The following SGIP1 variants were observed in gnomAD, a reference collection of about 807,000 sequenced individuals.
SGIP1 encodes the protein SH3-containing GRB2-like protein 3-interacting protein 1.
A neutral mutation model predicts 107.5 loss-of-function variants in SGIP1; 38 were observed. That is an observed-to-expected ratio of 0.35 (90% CI 0.27 to 0.46). The LOEUF (loss-of-function observed/expected upper bound fraction) is 0.46, where lower values mean the gene tolerates loss of function less well. Among genes scored for constraint, SGIP1 ranks in the 20% least tolerant of loss-of-function variants. The pLI is 1.00. For synonymous variants in SGIP1, 365 were observed against 366.1 expected (o/e 1.00, Z 0.03); for missense variants, 929 against 1,019.5 (o/e 0.91, Z 1.21).
intron 7 of SGIP1, among the ~76,000 whole-genome samples, chr1:66,646,268 C>G (rs1445917010): frequency 6.6e-6 from 1 of 152,052 alleles, no homozygotes; most frequent in Non-Finnish European, 1.5e-5. Context: ...ATGTCTCCAG[C>G]CAAAAGAGCA....
In SGIP1 at chr1:66,677,097, G is replaced by A; in HGVS notation, c.739+1G>A. 1 of 1,611,802 alleles carries A rather than the reference G, an allele frequency of 6.2e-7. No individual in the cohort carries two copies. The highest frequency in any genetic ancestry group is 8.5e-7 in the Non-Finnish European group (1 of 1,178,104). ...TTAACAAGGCCTTTTCCCACTGGAAGTAAGTTATGTGTCTGCTCTGTCTGG... is the reference window on the plus strand; with the variant it reads ...TTAACAAGGCCTTTTCCCACTGGAAATAAGTTATGTGTCTGCTCTGTCTGG... On this transcript the variant is annotated splice_donor_variant, in intron 13 of 24. Coordinates refer to ENST00000371037, the MANE Select transcript of SGIP1 (RefSeq NM_032291.4). LOFTEE classifies it high-confidence loss of function.
chr1:66,710,804 T>C (rs1222225120), intron 18 of SGIP1, among the ~76,000 whole-genome samples: 1 of 152,114 alleles, frequency 6.6e-6, no homozygotes, highest in East Asian at 1.9e-4. Context: ...CAGTTTAGAA[T>C]TTAACAGAAA....
intron 1 of SGIP1, among the ~76,000 whole-genome samples, chr1:66,579,109 TAAAATTAC>T (rs2061476285): frequency 6.6e-6 from 1 of 152,254 alleles, no homozygotes; most frequent in Admixed American, 6.5e-5. Context: ...TTGGGGTCTG[TAAAATTAC>T]ATACACATTT....
At chr1:66,570,725 C>T (rs1254679907) in intron 1 of SGIP1, among the ~76,000 whole-genome samples, 1 of 151,880 alleles carries the variant, frequency 6.6e-6, no homozygotes, top group East Asian at 1.9e-4. Flanking sequence ...TGTCATGGAG[C>T]TTAGTCTTTT....
intron 7 of SGIP1, among the ~76,000 whole-genome samples, chr1:66,656,335 C>T (rs2079771693): frequency 6.6e-6 from 1 of 152,166 alleles, no homozygotes; most frequent in South Asian, 2.1e-4. Context: ...GGCTGTTTTA[C>T]AGTTAGTTAA....
chr1:66,619,076 G>A (rs1351378140), intron 1 of SGIP1, among the ~76,000 whole-genome samples: 2 of 152,104 alleles, frequency 1.3e-5, no homozygotes, highest in Admixed American at 6.5e-5. Flanking sequence ...CTAAAGAGCG[G>A]TCATTGCCAA....
At chr1:66,591,344 G>A (rs979164023) in intron 1 of SGIP1, among the ~76,000 whole-genome samples, 4 of 152,114 alleles carry the variant, frequency 2.6e-5, no homozygotes, top group Non-Finnish European at 4.4e-5. Flanking sequence ...ACATAAGCCC[G>A]TTAGAATGAT....
chr1:66,587,354 G>C (rs942483680), intron 1 of SGIP1, among the ~76,000 whole-genome samples: 3 of 145,810 alleles, frequency 2.1e-5, no homozygotes, highest in Non-Finnish European at 3.0e-5. Flanking sequence ...TGTCCTTAAG[G>C]CTCTGTTCAT....
chr1:66,639,468 A>G (rs2076381561), intron 4 of SGIP1, among the ~76,000 whole-genome samples: 1 of 152,232 alleles, frequency 6.6e-6, no homozygotes, highest in Non-Finnish European at 1.5e-5. Flanking sequence ...GGATTCCATT[A>G]CAATAAAGGT....
chr1:66,714,430 C>T (rs942967945), intron 18 of SGIP1, among the ~76,000 whole-genome samples: 1 of 152,088 alleles, frequency 6.6e-6, no homozygotes, highest in Non-Finnish European at 1.5e-5. Context: ...TCTTACCTAA[C>T]CTCTTGTTGG....
intron 18 of SGIP1, among the ~76,000 whole-genome samples, chr1:66,708,956 C>A (rs1368624815): frequency 6.6e-6 from 1 of 151,960 alleles, no homozygotes; most frequent in Non-Finnish European, 1.5e-5. Context: ...TTTTGGGCAT[C>A]CATGCATGTT....
chr1:66,638,849 C>T (rs1558166048), intron 4 of SGIP1, among the ~76,000 whole-genome samples: 1 of 152,304 alleles, frequency 6.6e-6, no homozygotes, highest in East Asian at 1.9e-4. Context: ...CCTCATGCGT[C>T]ACCATTTGAT....
intron 1 of SGIP1, among the ~76,000 whole-genome samples, chr1:66,614,870 A>C (rs1570628974): frequency 8.5e-6 from 1 of 117,180 alleles, no homozygotes; most frequent in Non-Finnish European, 1.6e-5. Flanking sequence ...CCCAGGCTGG[A>C]GTGCAGTGGC....
chr1:66,648,203 G>A lies in SGIP1; in HGVS notation c.459+4484G>A, dbSNP rs150352036. On this transcript the variant is annotated intron_variant, in intron 7 of 24. Coordinates refer to ENST00000371037, the MANE Select transcript of SGIP1 (RefSeq NM_032291.4). The stretch of plus-strand genomic sequence containing the variant: ...AAGGGGCATGCCCTTGGGTTAGGTA[G>A]CTCTCTGCAGTTGAGGCAGATCCTG... Among the ~76,000 whole-genome samples, 70 of 152,286 alleles carry A rather than the reference G, an allele frequency of 4.6e-4. No homozygotes were observed. The East Asian group carries it at 0.013, about 28-fold the overall frequency.
At chr1:66,619,476 C>A (rs2070370754) in intron 1 of SGIP1, among the ~76,000 whole-genome samples, 1 of 152,212 alleles carries the variant, frequency 6.6e-6, no homozygotes. Flanking sequence ...TTGTACCTGC[C>A]CCACCTCTCT....
chr1:66,565,753 AAC>A (rs1200977841), intron 1 of SGIP1, among the ~76,000 whole-genome samples: 1 of 152,020 alleles, frequency 6.6e-6, no homozygotes, highest in Non-Finnish European at 1.5e-5. Flanking sequence ...ACATTTATTC[AAC>A]ACACTTTTGT....
chr1:66,726,424 G>A (rs1271868108), intron 19 of SGIP1, among the ~76,000 whole-genome samples: 2 of 152,098 alleles, frequency 1.3e-5, no homozygotes, highest in Non-Finnish European at 2.9e-5. Context: ...CTACCATAGC[G>A]AAAACAACTA....
chr1:66,664,903 C>G (rs1221890427), intron 8 of SGIP1, among the ~76,000 whole-genome samples: 1 of 152,136 alleles, frequency 6.6e-6, no homozygotes, highest in African/African-American at 2.4e-5. Flanking sequence ...TTGATAGCAG[C>G]CATAATCAAG....
chr1:66,597,042 A>T (rs1456687464), intron 1 of SGIP1, among the ~76,000 whole-genome samples: 1 of 152,208 alleles, frequency 6.6e-6, no homozygotes, highest in Non-Finnish European at 1.5e-5. Context: ...TTATAACAGA[A>T]AACTGGTTTA....
Sources: allele counts gnomAD v4.1 joint callset (sites outside exome capture counted in the v4.1 genomes callset), GRCh38; gene constraint gnomAD v4.1.1; transcripts MANE v1.5; gene names NCBI Gene and HGNC (gene_info 2026-07-23, HGNC 2026-07-21).